The following FAM78B variants were observed in gnomAD, a reference collection of about 807,000 sequenced individuals.
FAM78B encodes family with sequence similarity 78 member B, also known as protein FAM78B.
In FAM78B, 10 loss-of-function variants were observed where a neutral mutation model predicts 20.0. The ratio of observed to expected loss-of-function variants is 0.50; its 90% CI spans 0.31 to 0.85. The LOEUF (loss-of-function observed/expected upper bound fraction) is 0.85. FAM78B is among the 40% of genes least tolerant of loss of function. The pLI is 0.05. For synonymous variants in FAM78B, 135 were observed against 132.8 expected, an observed-to-expected ratio of 1.02 and a Z score of -0.12; for missense variants, 283 against 345.0, an observed-to-expected ratio of 0.82 and a Z score of 1.42.
At chr1:166,140,030 C>G (rs1289666681) in intron 1 of FAM78B, among the ~76,000 whole-genome samples, 5 of 152,206 alleles carry the variant, frequency 3.3e-5, no homozygotes, top group Non-Finnish European at 5.9e-5. Context: ...TTCTGCAGAC[C>G]TTTTCAGAAG....
intron 1 of FAM78B, among the ~76,000 whole-genome samples, chr1:166,093,988 AG>A (rs1350878782): frequency 4.0e-5 from 5 of 126,174 alleles, no homozygotes; most frequent in Non-Finnish European, 8.8e-5. Context: ...AGGGGCACAC[AG>A]GGCTTGCGAA....
chr1:166,064,404 T>A (rs1445875203), downstream of FAM78B, among the ~76,000 whole-genome samples: 1 of 152,178 alleles, frequency 6.6e-6, no homozygotes, highest in Non-Finnish European at 1.5e-5. Flanking sequence ...TGTTCCTGGC[T>A]GGCTTCTCTA....
At chr1:166,133,390 A>G (rs1390848019) in intron 1 of FAM78B, among the ~76,000 whole-genome samples, 1 of 152,196 alleles carries the variant, frequency 6.6e-6, no homozygotes, top group Non-Finnish European at 1.5e-5. Context: ...AGACAGATGT[A>G]TGTTAGAGGT....
chr1:166,137,536 C>T (rs145091400), intron 1 of FAM78B, among the ~76,000 whole-genome samples: 2 of 151,494 alleles, frequency 1.3e-5, no homozygotes, highest in African/African-American at 4.8e-5. Context: ...TATCCTTGTC[C>T]TAATACTAGT....
intron 1 of FAM78B, among the ~76,000 whole-genome samples, chr1:166,074,019 G>A (rs80033743): frequency 4.1e-3 from 627 of 152,264 alleles, no homozygotes; most frequent in Non-Finnish European, 6.3e-3. Context: ...CTGGAATGGC[G>A]CATAATTTGT....
At chr1:166,161,097 T>G (rs181798392) in intron 1 of FAM78B, among the ~76,000 whole-genome samples, 15 of 152,118 alleles carry the variant, frequency 9.9e-5, no homozygotes, top group African/African-American at 1.7e-4. Context: ...TTTGAAAGAC[T>G]GGAAGAAGGC....
chr1:166,123,836 C>G (rs10918371), intron 1 of FAM78B, among the ~76,000 whole-genome samples: 24,793 of 152,190 alleles, frequency 0.16, 2,200 homozygotes, highest in East Asian at 0.27. Context: ...TCCACCCCAG[C>G]TCCAGCAAAA....
chr1:166,159,237 T>C (rs1003137830), intron 1 of FAM78B, among the ~76,000 whole-genome samples: 3 of 152,174 alleles, frequency 2.0e-5, no homozygotes, highest in African/African-American at 7.2e-5. Flanking sequence ...GGCCAAACTG[T>C]GGCAGTATAT....
intron 1 of FAM78B, among the ~76,000 whole-genome samples, chr1:166,141,547 C>A (rs1473024861): frequency 2.0e-5 from 3 of 152,164 alleles, no homozygotes; most frequent in African/African-American, 7.2e-5. Context: ...TAGCTAGGCC[C>A]ATAATAGGTA....
Position 166,069,449 on chromosome 1 carries a change from A to G in FAM78B, c.*792T>C, listed in dbSNP as rs1030728732. 5 of 152,254 alleles carry G rather than the reference A, an allele frequency of 3.3e-5. No homozygotes were observed. Among genetic ancestry groups the G allele is most frequent in the African/African-American group, 7.2e-5 (3 of 41,470 alleles). 9.4% of individuals were successfully genotyped at this position (152,254 alleles called of 1,614,324 possible). ...ATCAAGTTAGTTAGGATTTCACTAA[A>G]ACATGGACAGGGCCCCAAATATCAT... On this transcript the variant is annotated 3_prime_UTR_variant, in exon 2 of 2. Coordinates refer to ENST00000354422, the MANE Select transcript of FAM78B (RefSeq NM_001017961.5).
intron 1 of FAM78B, among the ~76,000 whole-genome samples, chr1:166,082,902 C>G (rs577634478): frequency 8.5e-5 from 13 of 152,294 alleles, no homozygotes; most frequent in African/African-American, 2.9e-4. Context: ...GTACTAAGTG[C>G]CTTTCCTCTG....
chr1:166,102,980 TA>T (rs1653592504), intron 1 of FAM78B, among the ~76,000 whole-genome samples: 2 of 152,184 alleles, frequency 1.3e-5, no homozygotes, highest in South Asian at 4.2e-4. Context: ...TCAGCAAATG[TA>T]AAAGAAAAGA....
Position 166,114,955 on chromosome 1 carries a change from C to T in FAM78B, c.264-44192G>A, listed in dbSNP as rs540811533. On this transcript the variant is annotated intron_variant, in intron 1 of 1. Coordinates refer to ENST00000354422, the MANE Select transcript of FAM78B (RefSeq NM_001017961.5). ...TGGAACAAGTTCCCTTTAGCCTTCT[C>T]CATTGATAGCATAGAGGTGGTGATT... 2.0e-5 allele frequency among the ~76,000 whole-genome samples: 3 copies of T among 152,232 alleles called. No homozygotes were observed. In the South Asian group the frequency reaches 6.2e-4, roughly 32 times the overall value.
At chr1:166,145,716 C>T (rs931504383) in intron 1 of FAM78B, among the ~76,000 whole-genome samples, 9 of 152,204 alleles carry the variant, frequency 5.9e-5, no homozygotes, top group African/African-American at 1.9e-4. Flanking sequence ...CAAATGAAGC[C>T]CATCCACGCA....
chr1:166,083,818 T>C (rs1302643263), intron 1 of FAM78B, among the ~76,000 whole-genome samples: 2 of 150,912 alleles, frequency 1.3e-5, no homozygotes, highest in East Asian at 3.9e-4. Context: ...TTTTTTTTTT[T>C]TTTTTAATGA....
intron 1 of FAM78B, among the ~76,000 whole-genome samples, chr1:166,132,644 T>C (rs1654917840): frequency 6.6e-6 from 1 of 152,196 alleles, no homozygotes; most frequent in African/African-American, 2.4e-5. Context: ...TTGCTCTCTT[T>C]TGCCAAATCA....
At chr1:166,146,468 C>T (rs74717025) in intron 1 of FAM78B, among the ~76,000 whole-genome samples, 108 of 152,192 alleles carry the variant, frequency 7.1e-4, no homozygotes, top group African/African-American at 2.4e-3. Context: ...TGCAGTCCTA[C>T]GGAAATGAAG....
intron 1 of FAM78B, among the ~76,000 whole-genome samples, chr1:166,084,237 A>ACACACACACACT (rs771421402): frequency 1.2e-3 from 153 of 125,454 alleles, no homozygotes; most frequent in Middle Eastern, 4.2e-3. Context: ...ACACACACAC[A>ACACACACACACT]CTCTCTCTCT....
At chr1:166,058,030 A>G (rs1322741569) in exon 3 of FAM78B, 1 of 151,298 alleles carries the variant, frequency 6.6e-6, no homozygotes, top group East Asian at 1.9e-4. Context: ...TATGGAGGGT[A>G]TAATGTAGGC....
Sources: allele counts gnomAD v4.1 joint callset (sites outside exome capture counted in the v4.1 genomes callset), GRCh38; gene constraint gnomAD v4.1.1; transcripts MANE v1.5; gene names NCBI Gene and HGNC (gene_info 2026-07-23, HGNC 2026-07-21).